The following RGPD4 variants were observed in gnomAD, a reference collection of about 807,000 sequenced individuals.
The protein encoded by RGPD4 is RANBP2 like and GRIP domain containing 4, also known as ranBP2-like and GRIP domain-containing protein 4.
Under a neutral mutation model 141.1 loss-of-function variants are expected in RGPD4, and 84 were observed. The observed-to-expected ratio is 0.60, with a 90% CI of 0.50 to 0.71. RGPD4 has a LOEUF of 0.71. Ranked by LOEUF, RGPD4 falls within the 30% of genes least tolerant of loss-of-function variation. RGPD4 has a pLI of 0.00. For synonymous variants in RGPD4, 298 were observed against 566.8 expected, an observed-to-expected ratio of 0.53 and a Z score of 6.74; for missense variants, 918 against 1,622.4, an observed-to-expected ratio of 0.57 and a Z score of 7.46.
At chr2:107,883,124 A>G (rs1675413278) in intron 22 of RGPD4, 2 of 647,336 alleles carry the variant, frequency 3.1e-6, no homozygotes, top group Non-Finnish European at 5.6e-6. Context: ...CTCTTTGAAA[A>G]TTGGATTTTT....
At chr2:107,828,121 T>C (rs1276224147) in intron 1 of RGPD4, among the ~76,000 whole-genome samples, 3 of 10,722 alleles carry the variant, frequency 2.8e-4, no homozygotes, top group Admixed American at 9.8e-4. Flanking sequence ...GGCCTCGACC[T>C]GGCCCGGCGG....
chr2:107,836,483 T>C (rs1043914919), intron 1 of RGPD4, 119 bp from the exon 2 acceptor site: 30 of 1,045,450 alleles, frequency 2.9e-5, no homozygotes, highest in Non-Finnish European at 3.6e-5. Context: ...AAAAAAAATT[T>C]TTAAGTGAAT....
At position 107,861,267 on chromosome 2, in the gene RGPD4, TA is replaced by T. The variant is rs1459117039; in HGVS notation, c.1995del (p.Ile665MetfsTer5). 2 of 363,366 alleles carry T rather than the reference TA, an allele frequency of 5.5e-6. No homozygotes were observed. Among genetic ancestry groups the T allele is most frequent in the African/African-American group, 1.0e-4 (2 of 19,260 alleles). The allele number at this position is 363,366 out of a possible 1,614,324, so 22.5% of individuals were successfully genotyped here. A position where few individuals can be genotyped will look rare whatever the true frequency, so the allele number is the denominator to read the frequency against. ...FAILDAVNGN[I>X]EDAMTAFESI... ...ATATTGGATGCAGTAAATGGAAATA[TA>T]GAAGATGCTATGACTGCTTTTGAAT... is the stretch of plus-strand genomic sequence containing the variant. On this transcript the variant is annotated frameshift_variant, in exon 14 of 23. Coordinates refer to ENST00000408999, the MANE Select transcript of RGPD4 (RefSeq NM_182588.3). LOFTEE classifies it high-confidence loss of function.
chr2:107,828,839 G>A (rs1339133175), intron 1 of RGPD4, among the ~76,000 whole-genome samples: 3 of 13,642 alleles, frequency 2.2e-4, no homozygotes, highest in African/African-American at 9.7e-4. Context: ...CCCGGCGGCG[G>A]CCTCGATGGC....
In RGPD4 at chr2:107,872,037, G is replaced by T; in HGVS notation, c.4033G>T (p.Val1345Phe). Residue 1345 changes from valine to phenylalanine, a missense_variant, in exon 20 of 23, where the codon GTT becomes TTT. By Grantham distance (50) the Val-to-Phe change is conservative. Coordinates refer to ENST00000408999, the MANE Select transcript of RGPD4 (RefSeq NM_182588.3). ...FEPVVPLPDL[V>F]EVSSGEENEK... ...ACCTGTTGTTCCTTTACCTGATCTA[G>T]TTGAAGTATCCAGTGGTGAGGAAAA... 2 of 1,611,514 alleles carry T rather than the reference G, an allele frequency of 1.2e-6. No homozygotes were observed. The highest frequency in any genetic ancestry group is 1.7e-6 in the Non-Finnish European group (2 of 1,179,842).
intron 8 of RGPD4, among the ~76,000 whole-genome samples, chr2:107,856,406 A>G (rs1682314368): frequency 6.6e-6 from 1 of 150,708 alleles, no homozygotes; most frequent in South Asian, 2.1e-4. Context: ...CTGATGAGCC[A>G]GGTTTAGAAA....
chr2:107,844,739 T>A (rs533967152), intron 6 of RGPD4, among the ~76,000 whole-genome samples: 221 of 126,316 alleles, frequency 1.7e-3, no homozygotes, highest in African/African-American at 5.9e-3. Flanking sequence ...ATACTCAAAT[T>A]TTTTGGTCAC....
chr2:107,869,752 A>G (rs973538230), intron 18 of RGPD4, 131 bp from the exon 19 acceptor site: 66 of 646,772 alleles, frequency 1.0e-4, no homozygotes, highest in Non-Finnish European at 1.4e-4. Context: ...GATGTACAGA[A>G]ATTTAAAATT....
rs886245978 is a variant in RGPD4 at position 107,884,518 on chromosome 2, A to T, written c.5266+1645A>T. ...GCAGTTCTATATTTGGGTTTTAATC[A>T]TTACAGGGTAACACTGAGCTTGTTC... On this transcript the variant is annotated intron_variant, in intron 22 of 22. Transcript: ENST00000408999. 2.7e-5 allele frequency among the ~76,000 whole-genome samples: 4 copies of T among 148,052 alleles called. No individual in the cohort carries two copies. In the Admixed American group the frequency reaches 2.7e-4, roughly 10 times the overall value.
chr2:107,880,259 CTTTTTTTT>C (rs58305715), intron 21 of RGPD4, among the ~76,000 whole-genome samples, 152 bp downstream of exon 21: 1 of 48,184 alleles, frequency 2.1e-5, no homozygotes, highest in Non-Finnish European at 3.4e-5. Context: ...GAAATATTGC[CTTTTTTTT>C]TTTTTTTTTT....
At chr2:107,841,274 T>C (rs4082050) in intron 4 of RGPD4, among the ~76,000 whole-genome samples, 20 of 109,072 alleles carry the variant, frequency 1.8e-4, no homozygotes, top group African/African-American at 6.8e-4. Context: ...CTTTGAAGCA[T>C]TCTTTAAAGA....
At chr2:107,885,748 C>G (rs2912705) in intron 22 of RGPD4, among the ~76,000 whole-genome samples, 1 of 152,090 alleles carries the variant, frequency 6.6e-6, no homozygotes, top group Admixed American at 6.6e-5. Context: ...ACCTTACATT[C>G]TCTCTTTAAG....
At chr2:107,845,413 A>C (rs1681889100) in intron 6 of RGPD4, among the ~76,000 whole-genome samples, 1 of 150,386 alleles carries the variant, frequency 6.6e-6, no homozygotes, top group Admixed American at 6.6e-5. Flanking sequence ...CCCTGAGGAC[A>C]GCCCTTGGCC....
At chr2:107,875,709 A>C (rs2556248) in intron 20 of RGPD4, among the ~76,000 whole-genome samples, 1 of 122,822 alleles carries the variant, frequency 8.1e-6, no homozygotes, top group African/African-American at 3.3e-5. Context: ...CCCATAGAGT[A>C]ACAGTTTTTA....
chr2:107,880,173 T>C (rs1427466696), intron 21 of RGPD4, 66 bp downstream of exon 21: 26 of 1,606,284 alleles, frequency 1.6e-5, no homozygotes, highest in East Asian at 2.2e-5. Context: ...TCCATACACA[T>C]GTACCCAAGT....
At chr2:107,834,024 G>T (rs972339259) in intron 1 of RGPD4, among the ~76,000 whole-genome samples, 2 of 151,456 alleles carry the variant, frequency 1.3e-5, no homozygotes, top group Admixed American at 6.6e-5. Context: ...AAAAAGGAAG[G>T]GGGGAACAAG....
chr2:107,844,467 G>T (rs1330470054), intron 6 of RGPD4, among the ~76,000 whole-genome samples: 4 of 152,208 alleles, frequency 2.6e-5, no homozygotes, highest in Admixed American at 1.3e-4. Flanking sequence ...TGCCTGTAAA[G>T]CCAGATTAGT....
intron 21 of RGPD4, among the ~76,000 whole-genome samples, 154 bp from the exon 22 acceptor site, chr2:107,882,518 G>A (rs1399674464): frequency 2.0e-5 from 3 of 148,544 alleles, no homozygotes; most frequent in African/African-American, 5.0e-5. Context: ...TGCTTCACAT[G>A]CAGCTGCTGT....
In RGPD4 at chr2:107,831,818, G is replaced by T. The variant is rs550171921; in HGVS notation, c.72+4733G>T. 2.9e-3 allele frequency among the ~76,000 whole-genome samples: 416 copies of T among 144,520 alleles called. 7 individuals are homozygous for T. The highest frequency in any genetic ancestry group is 9.9e-3 in the African/African-American group (377 of 38,156). 94.8% of individuals were successfully genotyped at this position (144,520 alleles called of 152,430 possible). Reference sequence around the variant, plus strand: ...GATCTCCTGACCTCATGATCCGCCCGCCTCAGCCTCCCAAAGTGCCGGGAT... The same window carrying T: ...GATCTCCTGACCTCATGATCCGCCCTCCTCAGCCTCCCAAAGTGCCGGGAT... On this transcript the variant is annotated intron_variant, in intron 1 of 22. Coordinates refer to ENST00000408999, the MANE Select transcript of RGPD4 (RefSeq NM_182588.3).
Sources: gnomAD v4.1 joint callset for allele counts (sites outside exome capture counted in the v4.1 genomes callset) on GRCh38, gnomAD v4.1.1 for gene constraint, MANE v1.5 for transcripts, NCBI Gene and HGNC (gene_info 2026-07-23, HGNC 2026-07-21) for gene names.